The following SLC25A21 variants were observed in gnomAD, a reference collection of about 807,000 sequenced individuals.
The protein encoded by SLC25A21 is solute carrier family 25 member 21, also known as mitochondrial 2-oxodicarboxylate carrier.
A neutral mutation model predicts 43.8 loss-of-function variants in SLC25A21; 47 were observed. The observed-to-expected ratio is 1.07, with a 90% confidence interval of 0.85 to 1.37. The LOEUF (loss-of-function observed/expected upper bound fraction) is 1.37, where lower values mean the gene tolerates loss of function less well. Ranked by LOEUF, SLC25A21 falls within the 40% of genes most tolerant of loss-of-function variation. The pLI is 0.00. For synonymous variants in SLC25A21, 131 were observed against 121.3 expected (o/e 1.08, Z -0.52); for missense variants, 352 against 350.2 (o/e 1.00, Z -0.04).
chr14:36,699,903 C>T (rs183611263), intron 7 of SLC25A21, among the ~76,000 whole-genome samples: 27 of 152,322 alleles, frequency 1.8e-4, no homozygotes, highest in Admixed American at 6.5e-4. Flanking sequence ...TTGCACTTCC[C>T]GGGTGAGGCG....
intron 1 of SLC25A21, among the ~76,000 whole-genome samples, chr14:37,020,172 T>C (rs1264018890): frequency 3.9e-5 from 6 of 151,926 alleles, no homozygotes; most frequent in Admixed American, 6.6e-5. Flanking sequence ...TAAAACTCGA[T>C]GTAGTTAATA....
At position 36,814,214 on chromosome 14, in the gene SLC25A21, A is replaced by G. The variant is rs189488041; in HGVS notation, c.120-213T>C. Among the ~76,000 whole-genome samples the G allele has an allele frequency of 2.0e-3, 311 of 152,094 alleles. 2 individuals carry two copies. The highest frequency in any genetic ancestry group is 6.9e-3 in the African/African-American group (285 of 41,462). On this transcript the variant is annotated intron_variant, in intron 2 of 9. Coordinates refer to ENST00000331299, the MANE Select transcript of SLC25A21 (RefSeq NM_030631.4). ...CTCTGTAATTTAATGAAATCTATAGAAAAAAAATGTATTTTCATCTATTTC... is the reference window on the plus strand; with the variant it reads ...CTCTGTAATTTAATGAAATCTATAGGAAAAAAATGTATTTTCATCTATTTC...
In SLC25A21 at chr14:37,117,065, T is replaced by C. The variant is rs184320614; in HGVS notation, c.70+55216A>G. ...ACGTGGTAGCATTCTGTTTTTCTTA[T>C]AGTTTATAGCTGAAAAATGTACTCT... On this transcript the variant is annotated intron_variant, in intron 1 of 9. Transcript: ENST00000331299. Among the ~76,000 whole-genome samples, 310 of 152,320 alleles carry C rather than the reference T, an allele frequency of 2.0e-3. 1 individual carries two copies. The highest frequency in any genetic ancestry group is 3.3e-3 in the Non-Finnish European group (225 of 68,004).
chr14:36,886,485 G>A (rs17105647), intron 1 of SLC25A21, among the ~76,000 whole-genome samples: 10,974 of 152,166 alleles, frequency 0.072, 430 homozygotes, highest in East Asian at 0.18. Flanking sequence ...GTGTCTATAG[G>A]GAATGCAGTT....
At chr14:37,034,219 T>C (rs112269721) in intron 1 of SLC25A21, among the ~76,000 whole-genome samples, 257 of 152,250 alleles carry the variant, frequency 1.7e-3, no homozygotes, top group Middle Eastern at 6.8e-3. Context: ...GGTTTCATCA[T>C]GTTGGCCAGG....
Position 36,680,627 on chromosome 14 carries a change from A to T in SLC25A21, c.*31T>A. ...TGGTGCTGCATAGCAAATATCCATT[A>T]TCTCAAGGGGGAAAAACACTTCATA... On this transcript the variant is annotated 3_prime_UTR_variant, in exon 10 of 10. Coordinates refer to ENST00000331299, the MANE Select transcript of SLC25A21 (RefSeq NM_030631.4). The T allele has an allele frequency of 2.5e-6, 4 of 1,609,402 alleles. No individual in the cohort carries two copies. The highest frequency in any genetic ancestry group is 2.5e-6 in the Non-Finnish European group (3 of 1,177,860).
rs1231295835 is a variant in SLC25A21, at chr14:37,161,978, A to AG, written c.70+10302_70+10303insC. ...ACTCCGTCTCAAAAAAAAAAAAAAAAAAAAAGAAATCTAATATTAAAAAAA... is the reference window on the plus strand; with the variant it reads ...ACTCCGTCTCAAAAAAAAAAAAAAAAGAAAAAGAAATCTAATATTAAAAAAA... On this transcript the variant is annotated intron_variant, in intron 1 of 9. Transcript: ENST00000331299. Among the ~76,000 whole-genome samples, 843 of 150,636 alleles carry AG rather than the reference A, an allele frequency of 5.6e-3. 6 individuals carry two copies. Among genetic ancestry groups the AG allele is most frequent in the African/African-American group, 0.017 (720 of 41,158 alleles).
chr14:36,886,751 T>G (rs1006087872), intron 1 of SLC25A21, among the ~76,000 whole-genome samples: 1 of 152,170 alleles, frequency 6.6e-6, no homozygotes, highest in African/African-American at 2.4e-5. Context: ...TAAACAAAGT[T>G]TTTATGTAAG....
At chr14:37,084,202 A>G (rs1302430348) in intron 1 of SLC25A21, among the ~76,000 whole-genome samples, 7 of 152,076 alleles carry the variant, frequency 4.6e-5, no homozygotes, top group Admixed American at 4.6e-4. Context: ...CCTCACCTCT[A>G]TGCTCTAGCT....
intron 1 of SLC25A21, among the ~76,000 whole-genome samples, chr14:36,918,635 A>C (rs1335526594): frequency 6.6e-6 from 1 of 152,126 alleles, no homozygotes; most frequent in Non-Finnish European, 1.5e-5. Context: ...AATTGTGTGA[A>C]TCTAGAGCCA....
At chr14:36,731,833 G>A (rs1187143027) in intron 4 of SLC25A21, among the ~76,000 whole-genome samples, 1 of 152,106 alleles carries the variant, frequency 6.6e-6, no homozygotes, top group African/African-American at 2.4e-5. Context: ...CTGTCCTGTG[G>A]ACTCTGGCTG....
At chr14:37,145,925 A>G (rs1271176878) in intron 1 of SLC25A21, among the ~76,000 whole-genome samples, 1 of 152,102 alleles carries the variant, frequency 6.6e-6, no homozygotes, top group African/African-American at 2.4e-5. Flanking sequence ...TTCCTTTTGC[A>G]GCTATCAGGA....
intron 3 of SLC25A21, among the ~76,000 whole-genome samples, chr14:36,740,368 G>T (rs994709547): frequency 6.6e-6 from 1 of 152,098 alleles, no homozygotes; most frequent in African/African-American, 2.4e-5. Context: ...AATATGAGGA[G>T]GGGGTACCAG....
At chr14:36,703,572 A>G (rs1323889509) in intron 7 of SLC25A21, among the ~76,000 whole-genome samples, 1 of 152,234 alleles carries the variant, frequency 6.6e-6, no homozygotes, top group African/African-American at 2.4e-5. Flanking sequence ...CAAAAGGTCT[A>G]TTGTTTTCTG....
intron 3 of SLC25A21, among the ~76,000 whole-genome samples, chr14:36,804,426 T>C (rs1272307002): frequency 6.6e-6 from 1 of 152,188 alleles, no homozygotes; most frequent in Admixed American, 6.5e-5. Context: ...CTGTGGAATG[T>C]TGGGCAAGTC....
At chr14:37,121,333 C>G (rs1963203976) in intron 1 of SLC25A21, among the ~76,000 whole-genome samples, 1 of 152,046 alleles carries the variant, frequency 6.6e-6, no homozygotes, top group African/African-American at 2.4e-5. Flanking sequence ...AACATGAGTT[C>G]AATTAATTTA....
At chr14:36,892,577 T>C (rs1450269220) in intron 1 of SLC25A21, among the ~76,000 whole-genome samples, 1 of 152,092 alleles carries the variant, frequency 6.6e-6, no homozygotes, top group Non-Finnish European at 1.5e-5. Context: ...CTTTAAGTTT[T>C]AGGGTACGTG....
intron 1 of SLC25A21, among the ~76,000 whole-genome samples, chr14:36,937,532 CCTTT>C (rs1566753411): frequency 1.3e-5 from 2 of 152,132 alleles, no homozygotes; most frequent in African/African-American, 4.8e-5. Context: ...TTCATCTGAG[CCTTT>C]CTTTTTCAAA....
chr14:37,056,011 T>TA (rs1451835701), intron 1 of SLC25A21, among the ~76,000 whole-genome samples: 3 of 152,190 alleles, frequency 2.0e-5, no homozygotes, highest in South Asian at 4.1e-4. Context: ...AGTCTCATGA[T>TA]AGAGTTCTCA....
Sources: gnomAD v4.1 joint callset for allele counts (sites outside exome capture counted in the v4.1 genomes callset) on GRCh38, gnomAD v4.1.1 for gene constraint, MANE v1.5 for transcripts, NCBI Gene and HGNC (gene_info 2026-07-23, HGNC 2026-07-21) for gene names.